The following TRHDE variants were observed in gnomAD, a reference collection of about 807,000 sequenced individuals.
TRHDE encodes thyrotropin-releasing hormone-degrading ectoenzyme.
TRHDE carries 72 observed loss-of-function variants against 125.7 expected under a neutral mutation model. That is an observed-to-expected ratio of 0.57 (90% CI 0.47 to 0.70). TRHDE has a LOEUF of 0.70. Ranked by LOEUF, TRHDE falls within the 30% of genes least tolerant of loss-of-function variation. The pLI is 0.00. For missense variants in TRHDE, 1,110 were observed against 1,327.1 expected, an observed-to-expected ratio of 0.84 and a Z score of 2.54; for synonymous variants, 509 against 509.1, an observed-to-expected ratio of 1.00 and a Z score of 0.00.
chr12:72,637,823 A>T (rs1375911787), intron 15 of TRHDE, among the ~76,000 whole-genome samples: 2 of 151,598 alleles, frequency 1.3e-5, no homozygotes, highest in African/African-American at 2.4e-5. Flanking sequence ...TTTGAGTGAG[A>T]TTCTTAATCC....
At chr12:72,566,626 A>ATT (rs1870460000) in intron 9 of TRHDE, among the ~76,000 whole-genome samples, 1 of 151,548 alleles carries the variant, frequency 6.6e-6, no homozygotes, top group East Asian at 1.9e-4. Flanking sequence ...AATTATGTTT[A>ATT]TATTAGGGGC....
At chr12:72,531,403 A>G (rs1036006671) in intron 6 of TRHDE, among the ~76,000 whole-genome samples, 2 of 151,912 alleles carry the variant, frequency 1.3e-5, no homozygotes, top group Admixed American at 1.3e-4. Flanking sequence ...TTCATTGCTA[A>G]TAGTACTGCA....
intron 6 of TRHDE, among the ~76,000 whole-genome samples, chr12:72,506,136 A>C (rs1021459428): frequency 6.6e-6 from 1 of 152,172 alleles, no homozygotes; most frequent in African/African-American, 2.4e-5. Context: ...CTGTCTCTAC[A>C]AAACATTCAA....
chr12:72,327,819 T>G (rs1869410237), intron 2 of TRHDE, among the ~76,000 whole-genome samples: 1 of 150,168 alleles, frequency 6.7e-6, no homozygotes, highest in East Asian at 2.5e-4. Flanking sequence ...AGACTGTAAA[T>G]GTTAAAAAAA....
intron 2 of TRHDE, among the ~76,000 whole-genome samples, chr12:72,304,222 T>C (rs1012516821): frequency 2.0e-5 from 3 of 152,204 alleles, no homozygotes; most frequent in East Asian, 1.9e-4. Context: ...TTTGCCCTTA[T>C]TGGTAATATG....
chr12:72,162,233 C>T (rs560044523), intron 2 of TRHDE, among the ~76,000 whole-genome samples: 59 of 152,292 alleles, frequency 3.9e-4, no homozygotes, highest in Admixed American at 8.5e-4. Flanking sequence ...TATTCCTAGA[C>T]TCTTTAGAAA....
chr12:72,154,191 C>G (rs1876445847), intron 2 of TRHDE, among the ~76,000 whole-genome samples: 1 of 152,036 alleles, frequency 6.6e-6, no homozygotes, highest in African/African-American at 2.4e-5. Context: ...GGTTTAAAGT[C>G]TGTTTTATCA....
chr12:72,222,662 G>T (rs2687492), intron 2 of TRHDE, among the ~76,000 whole-genome samples: 1 of 151,982 alleles, frequency 6.6e-6, no homozygotes, highest in Non-Finnish European at 1.5e-5. Context: ...TTGCTTACTA[G>T]TGTCCTTCAT....
chr12:72,603,829 A>C (rs1239532872), intron 12 of TRHDE, among the ~76,000 whole-genome samples: 1 of 152,196 alleles, frequency 6.6e-6, no homozygotes, highest in East Asian at 1.9e-4. Context: ...AATCTCACTC[A>C]AAGGGATTAA....
At chr12:72,464,995 T>C (rs1341484110) in intron 3 of TRHDE, among the ~76,000 whole-genome samples, 4 of 152,192 alleles carry the variant, frequency 2.6e-5, no homozygotes, top group African/African-American at 9.7e-5. Context: ...CATAATTTTA[T>C]CAAGCATTTT....
chr12:72,342,530 G>A (rs12828944), intron 2 of TRHDE, among the ~76,000 whole-genome samples: 45,704 of 152,004 alleles, frequency 0.3, 8,738 homozygotes, highest in Non-Finnish European at 0.43. Flanking sequence ...TAGTATAGGC[G>A]ATTGAGATGT....
intron 2 of TRHDE, among the ~76,000 whole-genome samples, chr12:72,210,318 C>G (rs1877755060): frequency 6.6e-6 from 1 of 152,060 alleles, no homozygotes; most frequent in African/African-American, 2.4e-5. Flanking sequence ...CTTGACATGA[C>G]AGTATTCTGA....
chr12:72,491,752 T>C (rs1877694299), intron 5 of TRHDE, among the ~76,000 whole-genome samples: 1 of 152,000 alleles, frequency 6.6e-6, no homozygotes, highest in Non-Finnish European at 1.5e-5. Flanking sequence ...TTATAAAATA[T>C]AATCGCTTTT....
chr12:72,089,353 G>A (rs1320915013), intron 1 of TRHDE, among the ~76,000 whole-genome samples: 1 of 152,028 alleles, frequency 6.6e-6, no homozygotes, highest in Non-Finnish European at 1.5e-5. Flanking sequence ...ACTATACATT[G>A]GATTCCATTT....
chr12:72,519,302 C>A (rs143201071), intron 6 of TRHDE, among the ~76,000 whole-genome samples: 1 of 152,184 alleles, frequency 6.6e-6, no homozygotes, highest in Non-Finnish European at 1.5e-5. Context: ...TAGATTTGGT[C>A]TTTTCACATA....
chr12:72,293,046 C>T (rs1045242702), intron 2 of TRHDE, among the ~76,000 whole-genome samples: 7 of 152,098 alleles, frequency 4.6e-5, no homozygotes, highest in Non-Finnish European at 7.3e-5. Context: ...AATCTTCTGA[C>T]TGCATCTTTA....
chr12:72,324,276 A>G (rs1869237400), intron 2 of TRHDE, among the ~76,000 whole-genome samples: 1 of 152,120 alleles, frequency 6.6e-6, no homozygotes, highest in African/African-American at 2.4e-5. Flanking sequence ...TGACAGAGTC[A>G]AAAATAAGTA....
At chr12:72,420,932 T>C (rs2135826564) in intron 3 of TRHDE, among the ~76,000 whole-genome samples, 1 of 152,256 alleles carries the variant, frequency 6.6e-6, no homozygotes, top group South Asian at 2.1e-4. Flanking sequence ...CTCTTATGTA[T>C]TGGATTCCTT....
At chr12:72,175,236 G>A (rs1339509525) in intron 2 of TRHDE, among the ~76,000 whole-genome samples, 1 of 152,124 alleles carries the variant, frequency 6.6e-6, no homozygotes, top group East Asian at 1.9e-4. Context: ...CATCTAAGTG[G>A]AATCATGCAC....
Sources: allele counts gnomAD v4.1 joint callset (sites outside exome capture counted in the v4.1 genomes callset), GRCh38; gene constraint gnomAD v4.1.1; transcripts MANE v1.5; gene names NCBI Gene and HGNC (gene_info 2026-07-23, HGNC 2026-07-21).